The following PELI1 variants were observed in gnomAD, a reference collection of about 807,000 sequenced individuals.
The protein encoded by PELI1 is E3 ubiquitin-protein ligase pellino homolog 1.
A neutral mutation model predicts 41.3 loss-of-function variants in PELI1; 15 were observed. That is an observed-to-expected ratio of 0.36 (90% CI 0.24 to 0.56). The LOEUF (loss-of-function observed/expected upper bound fraction) is 0.56. PELI1 is among the 20% of genes least tolerant of loss of function. The probability of loss-of-function intolerance (pLI) is 0.82; values close to 1 mark genes in which losing one functional copy is unlikely to be tolerated. For synonymous variants in PELI1, 178 were observed against 180.1 expected (o/e 0.99, Z 0.09); for missense variants, 403 against 525.5 (o/e 0.77, Z 2.28).
At chr2:64,110,160 G>A (rs750157364) in intron 1 of PELI1, among the ~76,000 whole-genome samples, 1 of 149,518 alleles carries the variant, frequency 6.7e-6, no homozygotes, top group Non-Finnish European at 1.5e-5. Context: ...GGGAGTAATC[G>A]CTTGAACCCG....
chr2:64,133,274 C>T (rs1209238341), intron 1 of PELI1, among the ~76,000 whole-genome samples: 1 of 152,128 alleles, frequency 6.6e-6, no homozygotes, highest in Non-Finnish European at 1.5e-5. Flanking sequence ...TCCCTGACTA[C>T]AAAGAATTCT....
chr2:64,111,714 T>C (rs1459525513), intron 1 of PELI1, among the ~76,000 whole-genome samples: 1 of 152,154 alleles, frequency 6.6e-6, no homozygotes, highest in Non-Finnish European at 1.5e-5. Flanking sequence ...CAAGAACAAT[T>C]AAATCAACCA....
At chr2:64,134,590 A>C in intron 1 of PELI1, among the ~76,000 whole-genome samples, 1 of 152,160 alleles carries the variant, frequency 6.6e-6, no homozygotes, top group Non-Finnish European at 1.5e-5. Context: ...TGAATGATAA[A>C]CTTAGTTTTG....
At chr2:64,141,653 T>C (rs1053451099) in intron 1 of PELI1, among the ~76,000 whole-genome samples, 1 of 152,180 alleles carries the variant, frequency 6.6e-6, no homozygotes, top group African/African-American at 2.4e-5. Flanking sequence ...ACTCTTAAAA[T>C]ACAAAAGTGA....
intron 1 of PELI1, among the ~76,000 whole-genome samples, chr2:64,114,323 A>C (rs952761823): frequency 6.6e-6 from 1 of 152,216 alleles, no homozygotes; most frequent in African/African-American, 2.4e-5. Context: ...TTTAATTCAT[A>C]GCAGTTTCTT....
intron 1 of PELI1, among the ~76,000 whole-genome samples, chr2:64,111,515 C>T (rs1180432081): frequency 2.6e-5 from 4 of 152,088 alleles, no homozygotes; most frequent in Non-Finnish European, 5.9e-5. Context: ...CCTCTCGTCA[C>T]CCTAGATATA....
At chr2:64,130,789 T>C (rs1576099625) in intron 1 of PELI1, among the ~76,000 whole-genome samples, 1 of 152,300 alleles carries the variant, frequency 6.6e-6, no homozygotes, top group South Asian at 2.1e-4. Context: ...TATAGAATGT[T>C]AAAGCCTTTT....
chr2:64,123,483 G>A (rs1276399850), intron 1 of PELI1, among the ~76,000 whole-genome samples: 1 of 152,056 alleles, frequency 6.6e-6, no homozygotes, highest in African/African-American at 2.4e-5. Flanking sequence ...AAATATAAAT[G>A]AAATTAAAAT....
At position 64,100,393 on chromosome 2, in the gene PELI1, A is replaced by G. The variant is rs374395387; in HGVS notation, c.303+5T>C. On this transcript the variant is annotated splice_donor_5th_base_variant and intron_variant, in intron 4 of 6. Transcript: ENST00000358912. ...TAAGAAAAAAAATTTAAGATGTTGT[A>G]ATACCTGAAACATATCGGTGTTGCT... 7.1e-6 allele frequency: 10 copies of G among 1,416,148 alleles called. No individual in the cohort carries two copies. In the African/African-American group the frequency reaches 1.1e-4, roughly 16 times the overall value. The allele number at this position is 1,416,148 out of a possible 1,614,324, so 87.7% of individuals were successfully genotyped here.
chr2:64,117,779 T>C (rs1681048792), intron 1 of PELI1, among the ~76,000 whole-genome samples: 1 of 152,166 alleles, frequency 6.6e-6, no homozygotes, highest in South Asian at 2.1e-4. Flanking sequence ...TAGCATCTAA[T>C]CTTTCTTTAA....
intron 1 of PELI1, 111 bp from the exon 2 acceptor site, chr2:64,108,490 G>GT: frequency 2.0e-6 from 1 of 500,732 alleles, no homozygotes; most frequent in Non-Finnish European, 3.6e-6. Flanking sequence ...CCATCACAAG[G>GT]TATATACATT....
chr2:64,140,134 T>C (rs1681851029), intron 1 of PELI1, among the ~76,000 whole-genome samples: 1 of 152,202 alleles, frequency 6.6e-6, no homozygotes, highest in African/African-American at 2.4e-5. Context: ...CCGCGGGTAT[T>C]ACATATTTTT....
At chr2:64,109,282 T>C (rs985755401) in intron 1 of PELI1, among the ~76,000 whole-genome samples, 1 of 152,142 alleles carries the variant, frequency 6.6e-6, no homozygotes, top group Non-Finnish European at 1.5e-5. Context: ...TAAAAGCCAG[T>C]GGAAACAGAA....
intron 1 of PELI1, among the ~76,000 whole-genome samples, chr2:64,128,133 G>A (rs776088915): frequency 6.6e-6 from 1 of 151,980 alleles, no homozygotes; most frequent in East Asian, 1.9e-4. Flanking sequence ...TGTGTACAGG[G>A]GTAAGGAGCA....
chr2:64,094,504 T>TA lies in PELI1; in HGVS notation c.*197dup, dbSNP rs764653341. 3 of 504,638 alleles carry TA rather than the reference T, an allele frequency of 5.9e-6. No homozygotes were observed. Among genetic ancestry groups the TA allele is most frequent in the Non-Finnish European group, 1.0e-5 (3 of 286,830 alleles). The allele number at this position is 504,638 out of a possible 1,614,324, so 31.3% of individuals were successfully genotyped here. ...CAAAACTCAGAATTCAGAAGACTGA[T>TA]ACTTTCAGAAATTCCTTTGCTTGAG... is the stretch of plus-strand genomic sequence containing the variant. On this transcript the variant is annotated 3_prime_UTR_variant, in exon 7 of 7. Coordinates refer to ENST00000358912, the MANE Select transcript of PELI1 (RefSeq NM_020651.4).
At chr2:64,143,789 C>T (rs1682002625) in intron 1 of PELI1, among the ~76,000 whole-genome samples, 1 of 151,972 alleles carries the variant, frequency 6.6e-6, no homozygotes, top group African/African-American at 2.4e-5. Context: ...GCAGCCGGAG[C>T]GCGCGGCCAG....
chr2:64,125,068 G>A (rs1410504464), intron 1 of PELI1, among the ~76,000 whole-genome samples: 2 of 151,102 alleles, frequency 1.3e-5, no homozygotes, highest in African/African-American at 2.4e-5. Flanking sequence ...GAGATGCACA[G>A]GGCAAGGTAT....
intron 1 of PELI1, among the ~76,000 whole-genome samples, chr2:64,113,637 A>C (rs1680897266): frequency 6.6e-6 from 1 of 152,216 alleles, no homozygotes; most frequent in Admixed American, 6.5e-5. Flanking sequence ...AAAAATTTTA[A>C]AATAAACATA....
chr2:64,100,973 G>A (rs988415072), intron 3 of PELI1, among the ~76,000 whole-genome samples: 40 of 152,054 alleles, frequency 2.6e-4, no homozygotes, highest in Middle Eastern at 6.8e-3. Flanking sequence ...AAGGCAATCC[G>A]CCTGCCTCAG....
Sources: allele counts gnomAD v4.1 joint callset (sites outside exome capture counted in the v4.1 genomes callset), GRCh38; gene constraint gnomAD v4.1.1; transcripts MANE v1.5; gene names NCBI Gene and HGNC (gene_info 2026-07-23, HGNC 2026-07-21).